Variants in ACACA observed in about 807,000 individuals in gnomAD.
The protein encoded by ACACA is acetyl-CoA carboxylase alpha.
Under a neutral mutation model 296.1 loss-of-function variants are expected in ACACA, and 103 were observed. That is an observed-to-expected ratio of 0.35 (90% CI 0.30 to 0.41). The LOEUF (loss-of-function observed/expected upper bound fraction) is 0.41. ACACA is among the 10% of genes least tolerant of loss of function. ACACA has a pLI of 1.00. For synonymous variants in ACACA, 953 were observed against 1,038.6 expected (o/e 0.92, Z 1.58); for missense variants, 1,554 against 2,989.7 (o/e 0.52, Z 11.20).
chr17:37,087,853 G>C (rs898419475), intron 55 of ACACA, among the ~76,000 whole-genome samples: 4 of 152,342 alleles, frequency 2.6e-5, no homozygotes, highest in South Asian at 4.1e-4. Flanking sequence ...TGGAGGGTGT[G>C]CTGGAGTTGG....
At chr17:37,232,213 G>T (rs1429978308) in intron 25 of ACACA, among the ~76,000 whole-genome samples, 3 of 152,108 alleles carry the variant, frequency 2.0e-5, no homozygotes, top group East Asian at 1.9e-4. Flanking sequence ...CCTCCCTGTA[G>T]GTTCAAAAGC....
chr17:37,175,357 C>T (rs1342614411), intron 41 of ACACA, among the ~76,000 whole-genome samples: 2 of 152,240 alleles, frequency 1.3e-5, no homozygotes, highest in Non-Finnish European at 2.9e-5. Flanking sequence ...CGAAAAGCAG[C>T]TGTACTGGAT....
intron 3 of ACACA, among the ~76,000 whole-genome samples, chr17:37,291,143 T>TACACACACACACAC (rs71159701): frequency 0.019 from 2,615 of 136,856 alleles, 54 homozygotes; most frequent in Admixed American, 0.056. Flanking sequence ...GAAAAACACA[T>TACACACACACACAC]ACACACACAC....
intron 1 of ACACA, among the ~76,000 whole-genome samples, chr17:37,355,653 C>T (rs1300377013): frequency 6.6e-6 from 1 of 151,294 alleles, no homozygotes; most frequent in African/African-American, 2.4e-5. Flanking sequence ...GTCGGGAGTT[C>T]GAGACCAGCC....
chr17:37,276,062 C>A lies in ACACA; in HGVS notation c.803-13G>T. The A allele has an allele frequency of 6.2e-7, 1 of 1,603,868 alleles. No homozygotes were observed. Among genetic ancestry groups the A allele is most frequent in the Non-Finnish European group, 8.5e-7 (1 of 1,170,526 alleles). ...TGGCTTGGAGGACCTAAAAACGAAA[C>A]AGGAAAAGAATCCTGACTGTAACAC... On this transcript the variant is annotated splice_polypyrimidine_tract_variant and intron_variant, in intron 7 of 55. Transcript: ENST00000616317.
chr17:37,390,334 A>ATATATATATATATATATATATATATCTAT, intron 1 of ACACA, among the ~76,000 whole-genome samples: 1 of 93,424 alleles, frequency 1.1e-5, no homozygotes. Context: ...ATATATATAT[A>ATATATATATATATATATATATATATCTAT]AAAGGCCAGC....
At chr17:37,117,331 A>T (rs538843082) in intron 50 of ACACA, among the ~76,000 whole-genome samples, 1 of 152,222 alleles carries the variant, frequency 6.6e-6, no homozygotes, top group South Asian at 2.1e-4. Flanking sequence ...GTAATCAGAG[A>T]CTTTAAAATA....
Position 37,339,795 on chromosome 17 carries a change from G to A in ACACA, c.85+9C>T, listed in dbSNP as rs371046879. 9.6e-5 allele frequency: 131 copies of A among 1,363,304 alleles called. No individual in the cohort carries two copies. In the African/African-American group the frequency reaches 1.6e-3, roughly 17 times the overall value. 84.5% of individuals were successfully genotyped at this position (1,363,304 alleles called of 1,614,324 possible). A position where few individuals can be genotyped will look rare whatever the true frequency, so the allele number is the denominator to read the frequency against. On this transcript the variant is annotated intron_variant, in intron 2 of 55. Transcript: ENST00000616317. ...ACATTGTAAACAAGGAGTATTATTTGTAACTGACCTCTTATAATTCTTACT... is the reference window on the plus strand; with the variant it reads ...ACATTGTAAACAAGGAGTATTATTTATAACTGACCTCTTATAATTCTTACT...
At chr17:37,115,386 C>T (rs1056895043) in intron 50 of ACACA, among the ~76,000 whole-genome samples, 11 of 151,712 alleles carry the variant, frequency 7.3e-5, no homozygotes, top group South Asian at 4.2e-4. Flanking sequence ...GTACAGTCTC[C>T]GAACAAGTAA....
chr17:37,086,950 G>T lies in ACACA; in HGVS notation c.*366C>A, dbSNP rs2072243456. 5.7e-6 allele frequency: 2 copies of T among 352,718 alleles called. No homozygotes were observed. The highest frequency in any genetic ancestry group is 5.0e-5 in the South Asian group (2 of 39,956). 21.8% of individuals were successfully genotyped at this position (352,718 alleles called of 1,614,324 possible). On this transcript the variant is annotated 3_prime_UTR_variant, in exon 56 of 56. Coordinates refer to ENST00000616317, the MANE Select transcript of ACACA (RefSeq NM_198834.3). ...TGCTCACTGCTGGGCAACTCCTCAC[G>T]CTTCCCCATGCTGGGAGGCCAAGGG...
At chr17:37,401,581 A>C (rs2051294043) in intron 1 of ACACA, among the ~76,000 whole-genome samples, 1 of 141,418 alleles carries the variant, frequency 7.1e-6, no homozygotes, top group African/African-American at 2.7e-5. Flanking sequence ...TTTTTTCCAG[A>C]CGAGGTCTCA....
At chr17:37,318,027 G>C (rs1458203393) in intron 3 of ACACA, among the ~76,000 whole-genome samples, 1 of 152,146 alleles carries the variant, frequency 6.6e-6, no homozygotes, top group Non-Finnish European at 1.5e-5. Context: ...AAAGTAGAAA[G>C]TTTGGAGAGC....
In ACACA at chr17:37,263,812, G is replaced by A. The variant is rs1343354782; in HGVS notation, c.1202C>T (p.Ala401Val). 4.3e-6 allele frequency: 7 copies of A among 1,613,778 alleles called. No homozygotes were observed. Among genetic ancestry groups the A allele is most frequent in the African/African-American group, 1.3e-5 (1 of 74,822 alleles). Reference sequence around the variant, plus strand: ...AGAGATAGCATTGCCATATTGGTCCGCTAAGATCTGCACCTCCAGATGACG... The same window carrying A: ...AGAGATAGCATTGCCATATTGGTCCACTAAGATCTGCACCTCCAGATGACG... ...QSRHLEVQIL[A>V]DQYGNAISLF... is the part of the protein sequence containing the mutation. Residue 401 changes from alanine (A) to valine (V), a missense_variant, in exon 11 of 56, where the codon GCG becomes GTG. Physicochemically the swap from Ala to Val is moderately conservative, Grantham distance 64 (BLOSUM62 0). This residue lies in a region of ACACA where 82 missense variants were observed against 185.2 expected (regional missense o/e 0.44). Coordinates refer to ENST00000616317, the MANE Select transcript of ACACA (RefSeq NM_198834.3).
At chr17:37,152,627 T>C (rs2076089758) in intron 43 of ACACA, among the ~76,000 whole-genome samples, 1 of 152,206 alleles carries the variant, frequency 6.6e-6, no homozygotes, top group African/African-American at 2.4e-5. Flanking sequence ...GTCACTCATC[T>C]GTCTTCCTGG....
At chr17:37,217,723 A>C (rs2079078709) in intron 29 of ACACA, among the ~76,000 whole-genome samples, 1 of 119,372 alleles carries the variant, frequency 8.4e-6, no homozygotes, top group African/African-American at 3.2e-5. Flanking sequence ...CGACAGAGTG[A>C]GACTCCATCT....
In ACACA at chr17:37,406,745, G is replaced by C. The variant is rs535213602; in HGVS notation, c.-446C>G. The C allele has an allele frequency of 6.0e-6, 1 of 167,782 alleles. No individual in the cohort carries two copies. The highest frequency in any genetic ancestry group is 2.4e-5 in the African/African-American group (1 of 41,870). 10.4% of individuals were successfully genotyped at this position (167,782 alleles called of 1,614,324 possible). A position where few individuals can be genotyped will look rare whatever the true frequency, so the allele number is the denominator to read the frequency against. ...GTCCTCGGGCACGGGGACAGCAGCA[G>C]GCGCGCGGCGGGGACCGGGAAAAGG... is the stretch of plus-strand genomic sequence containing the variant. On this transcript the variant is annotated 5_prime_UTR_variant, in exon 1 of 56. Transcript: ENST00000616317.
At chr17:37,334,503 G>A (rs73285165) in intron 2 of ACACA, among the ~76,000 whole-genome samples, 4,892 of 152,026 alleles carry the variant, frequency 0.032, 220 homozygotes, top group African/African-American at 0.098. Context: ...AAAGTGGCTG[G>A]AGCGGAGTCT....
chr17:37,233,521 C>T (rs575112489), intron 25 of ACACA, among the ~76,000 whole-genome samples: 15 of 152,240 alleles, frequency 9.9e-5, no homozygotes, highest in Admixed American at 3.3e-4. Context: ...TTCTTAAAAA[C>T]GTAATCACAA....
intron 54 of ACACA, among the ~76,000 whole-genome samples, chr17:37,094,922 G>A (rs1266183): frequency 0.016 from 2,394 of 152,344 alleles, 31 homozygotes; most frequent in Non-Finnish European, 0.025. Flanking sequence ...TACGGGGTGG[G>A]GGTTCTCTTC....
Sources: allele counts gnomAD v4.1 joint callset (sites outside exome capture counted in the v4.1 genomes callset), GRCh38; gene constraint gnomAD v4.1.1; regional missense constraint gnomAD v4.1.1; transcripts MANE v1.5; gene names NCBI Gene and HGNC (gene_info 2026-07-23, HGNC 2026-07-21).